OR4N2: variants seen among roughly 807,000 people sequenced by gnomAD.
OR4N2 encodes olfactory receptor family 4 subfamily N member 2.
For missense variants in OR4N2, 307 were observed against 377.6 expected, an observed-to-expected ratio of 0.81 and a Z score of 1.55; for synonymous variants, 141 against 140.4, an observed-to-expected ratio of 1.00 and a Z score of -0.03.
At chr14:19,821,367 A>G (rs1325709027) in intron 1 of OR4N2, among the ~76,000 whole-genome samples, 3 of 152,188 alleles carry the variant, frequency 2.0e-5, no homozygotes, top group Non-Finnish European at 4.4e-5. Context: ...TGCAGACCAG[A>G]GTTGCTCTTA....
intron 1 of OR4N2, among the ~76,000 whole-genome samples, chr14:19,819,767 T>G (rs1181569272): frequency 2.0e-5 from 3 of 152,284 alleles, no homozygotes; most frequent in African/African-American, 7.2e-5. Context: ...AGAGGTGTTC[T>G]GGTTTTTGGA....
intron 1 of OR4N2, among the ~76,000 whole-genome samples, chr14:19,814,464 TGCTTATCTC>T (rs1344080520): frequency 6.6e-6 from 1 of 152,224 alleles, no homozygotes. Flanking sequence ...CTGAGTAAGG[TGCTTATCTC>T]GCATGCAAAA....
intron 1 of OR4N2, among the ~76,000 whole-genome samples, chr14:19,820,211 C>T (rs7156578): frequency 0.27 from 40,837 of 148,580 alleles, 2,842 homozygotes; most frequent in African/African-American, 0.32. Context: ...AGAGTTCAAG[C>T]GCTTTGCTGG....
chr14:19,820,555 TC>T (rs1285938300), intron 1 of OR4N2, among the ~76,000 whole-genome samples: 2 of 152,236 alleles, frequency 1.3e-5, no homozygotes, highest in African/African-American at 4.8e-5. Context: ...AGGTGCTCTG[TC>T]CCAGGGAGAT....
intron 1 of OR4N2, chr14:19,822,361 T>C (rs1451230333): frequency 2.0e-5 from 3 of 152,294 alleles, no homozygotes; most frequent in African/African-American, 4.8e-5. Context: ...GATGCAGAAA[T>C]GGTAGGCTAA....
rs141578453 is a variant in OR4N2 at position 19,818,364 on chromosome 14, C to T, written c.-9-9076C>T. ...GACTTGCTTTATGAATATGAGTGCT[C>T]CTGTATTAGGTGCATACATATTTGG... On this transcript the variant is annotated intron_variant, in intron 1 of 1. Transcript: ENST00000557677. Among the ~76,000 whole-genome samples the T allele has an allele frequency of 5.5e-3, 840 of 152,214 alleles. 3 individuals carry two copies. Among genetic ancestry groups the T allele is most frequent in the Non-Finnish European group, 9.8e-3 (669 of 67,968 alleles).
At chr14:19,805,068 A>G (rs1255777912) in intron 1 of OR4N2, among the ~76,000 whole-genome samples, 1 of 151,948 alleles carries the variant, frequency 6.6e-6, no homozygotes, top group Admixed American at 6.6e-5. Flanking sequence ...CCATCCCTTT[A>G]TTTTGAGCCC....
intron 1 of OR4N2, among the ~76,000 whole-genome samples, chr14:19,804,953 T>C (rs1879126943): frequency 2.0e-5 from 3 of 152,252 alleles, no homozygotes; most frequent in South Asian, 4.1e-4. Flanking sequence ...GTAATACCCT[T>C]CTTTGTCTTT....
intron 1 of OR4N2, among the ~76,000 whole-genome samples, chr14:19,823,959 G>A (rs1251395728): frequency 1.3e-5 from 2 of 152,252 alleles, no homozygotes; most frequent in African/African-American, 4.8e-5. Context: ...AGAGTTGCCT[G>A]GAGATGTTTC....
At chr14:19,804,239 G>A (rs551826189) in intron 1 of OR4N2, among the ~76,000 whole-genome samples, 5 of 151,244 alleles carry the variant, frequency 3.3e-5, no homozygotes, top group Non-Finnish European at 7.4e-5. Flanking sequence ...TATCTTGCTA[G>A]CTTTGGGACT....
At chr14:19,818,138 T>G (rs1367082482) in intron 1 of OR4N2, among the ~76,000 whole-genome samples, 1 of 152,256 alleles carries the variant, frequency 6.6e-6, no homozygotes, top group Admixed American at 6.5e-5. Flanking sequence ...AAGTGTGATG[T>G]GGTGCTGAGA....
chr14:19,806,368 G>A (rs1594391570), intron 1 of OR4N2, among the ~76,000 whole-genome samples: 2 of 149,776 alleles, frequency 1.3e-5, no homozygotes, highest in African/African-American at 2.4e-5. Flanking sequence ...CAAAGTAAAG[G>A]GATGCAGAAA....
intron 1 of OR4N2, chr14:19,822,223 A>C (rs1232233332): frequency 6.7e-6 from 1 of 150,036 alleles, no homozygotes; most frequent in Non-Finnish European, 1.5e-5. Flanking sequence ...CTGGCAAACA[A>C]AACCTTTAAT....
At position 19,829,820 on chromosome 14, in the gene OR4N2, TA is replaced by T. The variant is rs1439954947; in HGVS notation, c.*1451del. On this transcript the variant is annotated 3_prime_UTR_variant, in exon 2 of 2. Coordinates refer to ENST00000557677, the MANE Select transcript of OR4N2 (RefSeq NM_001004723.3). ...TCGCCAAAGTTTATACTTAGGAATA[TA>T]AATTTTGTACATGGTAAAAATATTC... 1 of 152,282 alleles carries T rather than the reference TA, an allele frequency of 6.6e-6. No individual in the cohort carries two copies. The highest frequency in any genetic ancestry group is 2.4e-5 in the African/African-American group (1 of 41,476). 9.4% of individuals were successfully genotyped at this position (152,282 alleles called of 1,614,324 possible).
At chr14:19,809,489 TAAAC>T (rs1439424195) in intron 1 of OR4N2, among the ~76,000 whole-genome samples, 11 of 152,046 alleles carry the variant, frequency 7.2e-5, no homozygotes, top group Admixed American at 1.3e-4. Context: ...ATAAGGAACT[TAAAC>T]AAAGCAACAA....
intron 1 of OR4N2, among the ~76,000 whole-genome samples, chr14:19,808,793 T>C (rs1410890815): frequency 2.0e-5 from 3 of 150,502 alleles, no homozygotes; most frequent in Non-Finnish European, 1.5e-5. Context: ...CACATGAACA[T>C]ATGCACCTAC....
chr14:19,816,679 GC>G (rs1488186821), intron 1 of OR4N2, among the ~76,000 whole-genome samples: 1 of 152,168 alleles, frequency 6.6e-6, no homozygotes, highest in African/African-American at 2.4e-5. Flanking sequence ...GTTTGAATAC[GC>G]TTTATTTCTT....
chr14:19,808,480 C>A (rs1335916838), intron 1 of OR4N2, among the ~76,000 whole-genome samples: 1 of 152,132 alleles, frequency 6.6e-6, no homozygotes, highest in Non-Finnish European at 1.5e-5. Context: ...ATCCCATTTA[C>A]AATAGCAACA....
At chr14:19,807,997 CAAT>C in intron 1 of OR4N2, among the ~76,000 whole-genome samples, 1 of 152,290 alleles carries the variant, frequency 6.6e-6, no homozygotes, top group South Asian at 2.1e-4. Flanking sequence ...ATGATCATCT[CAAT>C]AGATGCAGAA....
Sources: gnomAD v4.1 joint callset for allele counts (sites outside exome capture counted in the v4.1 genomes callset) on GRCh38, gnomAD v4.1.1 for gene constraint, MANE v1.5 for transcripts, NCBI Gene and HGNC (gene_info 2026-07-23, HGNC 2026-07-21) for gene names.